The following RNLS variants were observed in gnomAD, a reference collection of about 807,000 sequenced individuals.
RNLS encodes the protein renalase, FAD dependent amine oxidase.
In RNLS, 39 loss-of-function variants were observed where a neutral mutation model predicts 39.8. The ratio of observed to expected loss-of-function variants is 0.98; its 90% CI spans 0.76 to 1.28. RNLS has a LOEUF of 1.28. RNLS is among the 50% of genes most tolerant of loss of function. RNLS has a pLI of 0.00. For missense variants in RNLS, 410 were observed against 413.3 expected, an observed-to-expected ratio of 0.99 and a Z score of 0.07; for synonymous variants, 147 against 150.7, an observed-to-expected ratio of 0.98 and a Z score of 0.18.
chr10:88,307,409 A>G (rs915389212), intron 6 of RNLS, among the ~76,000 whole-genome samples: 3 of 152,230 alleles, frequency 2.0e-5, no homozygotes, highest in South Asian at 4.1e-4. Flanking sequence ...GCATGATCCT[A>G]TATCTAGAAA....
At chr10:88,212,700 T>C in the RNLS span, among the ~76,000 whole-genome samples, 1 of 152,336 alleles carries the variant, frequency 6.6e-6, no homozygotes, top group East Asian at 1.9e-4. Context: ...AATGTTTTTC[T>C]GCCATAAGCA....
the RNLS span, among the ~76,000 whole-genome samples, chr10:88,204,065 A>G: frequency 2.0e-5 from 3 of 152,102 alleles, no homozygotes; most frequent in Admixed American, 6.6e-5. Flanking sequence ...GCCAGTAAAT[A>G]GTGAGATAGT....
intron 4 of RNLS, among the ~76,000 whole-genome samples, chr10:88,411,049 A>C (rs1036833313): frequency 1.3e-5 from 2 of 152,138 alleles, no homozygotes; most frequent in Non-Finnish European, 2.9e-5. Context: ...CTAAATTCTC[A>C]TGATTCCACA....
chr10:88,476,586 C>T (rs1353098322), intron 4 of RNLS, among the ~76,000 whole-genome samples: 2 of 152,106 alleles, frequency 1.3e-5, no homozygotes, highest in Non-Finnish European at 2.9e-5. Flanking sequence ...TTATCTTATT[C>T]ATCAAAGGCA....
chr10:88,544,091 A>G (rs1848176429), intron 4 of RNLS, among the ~76,000 whole-genome samples: 1 of 152,196 alleles, frequency 6.6e-6, no homozygotes, highest in African/African-American at 2.4e-5. Context: ...ACTTAAGTTC[A>G]TCAGGTAAAT....
chr10:88,554,294 C>G (rs1022652377), intron 4 of RNLS, among the ~76,000 whole-genome samples: 1 of 151,982 alleles, frequency 6.6e-6, no homozygotes, highest in African/African-American at 2.4e-5. Context: ...TGGAAAAAAT[C>G]TTACATGTAT....
rs1274332954 is a variant in RNLS, at chr10:88,545,439, A to G, written c.526+27464T>C. On this transcript the variant is annotated intron_variant, in intron 4 of 6. Coordinates refer to ENST00000331772, the MANE Select transcript of RNLS (RefSeq NM_001031709.3). The stretch of plus-strand genomic sequence containing the variant: ...CAATCACGGTGGAAGACAAAGAAAG[A>G]GCAAAGGCATGACTTACGTGGTGGC... 4 of 456,412 alleles carry G rather than the reference A, an allele frequency of 8.8e-6. No individual in the cohort carries two copies. In the East Asian group the frequency reaches 2.8e-4, roughly 32 times the overall value. 28.3% of individuals were successfully genotyped at this position (456,412 alleles called of 1,614,324 possible).
chr10:88,290,218 A>G (rs1843573537), intron 6 of RNLS, among the ~76,000 whole-genome samples: 1 of 152,180 alleles, frequency 6.6e-6, no homozygotes, highest in Non-Finnish European at 1.5e-5. Context: ...CTGGACTAGG[A>G]GACATTTCCC....
chr10:88,415,378 G>C (rs12412766), intron 4 of RNLS, among the ~76,000 whole-genome samples: 12 of 152,248 alleles, frequency 7.9e-5, no homozygotes, highest in African/African-American at 2.6e-4. Context: ...TCAAAAGACA[G>C]ATTATTAATT....
At chr10:88,186,577 G>A in the RNLS span, among the ~76,000 whole-genome samples, 1 of 152,164 alleles carries the variant, frequency 6.6e-6, no homozygotes, top group Non-Finnish European at 1.5e-5. Context: ...CCCATTCAGT[G>A]CCATACACAT....
rs529359107 is a variant in RNLS at position 88,382,005 on chromosome 10, T to G, written c.527-19280A>C. On this transcript the variant is annotated intron_variant, in intron 4 of 6. Transcript: ENST00000331772. ...GCTCTTTCTTTCATATATATATCTA[T>G]TATCTATGATCACTTTCCCACTACG... Among the ~76,000 whole-genome samples, 4 of 152,274 alleles carry G rather than the reference T, an allele frequency of 2.6e-5. No individual in the cohort carries two copies. The East Asian group carries it at 7.7e-4, about 29-fold the overall frequency.
At chr10:88,286,793 G>GTTT (rs34199618) in intron 6 of RNLS, among the ~76,000 whole-genome samples, 6 of 148,638 alleles carry the variant, frequency 4.0e-5, no homozygotes, top group Non-Finnish European at 3.0e-5. Flanking sequence ...TTCCCTTACA[G>GTTT]TTTTTTTTTT....
At chr10:88,487,633 A>G (rs1844612889) in intron 4 of RNLS, among the ~76,000 whole-genome samples, 1 of 152,158 alleles carries the variant, frequency 6.6e-6, no homozygotes, top group African/African-American at 2.4e-5. Flanking sequence ...TGCCAGTAGG[A>G]AAATGTAAAC....
chr10:88,574,112 G>A (rs771863898), intron 3 of RNLS, among the ~76,000 whole-genome samples: 6 of 152,134 alleles, frequency 3.9e-5, no homozygotes, highest in Non-Finnish European at 8.8e-5. Context: ...CTACCCTCCA[G>A]CCTAGGCAAC....
intron 4 of RNLS, among the ~76,000 whole-genome samples, chr10:88,491,428 A>G (rs192189294): frequency 1.3e-5 from 2 of 152,278 alleles, no homozygotes; most frequent in Non-Finnish European, 2.9e-5. Context: ...GAGCTTCTAA[A>G]TGCCTTGCTT....
chr10:88,573,763 C>A lies in RNLS; in HGVS notation c.368-702G>T, dbSNP rs118025588. On this transcript the variant is annotated intron_variant, in intron 3 of 6. Transcript: ENST00000331772. ...CCTTTTAATCTGTAAGGCCCATGAG[C>A]TACAAATTATACCTGTTTTATTTCT... 8.1e-3 allele frequency among the ~76,000 whole-genome samples: 1,232 copies of A among 152,190 alleles called. 12 individuals are homozygous for A. Among genetic ancestry groups the A allele is most frequent in the Non-Finnish European group, 0.013 (858 of 68,004 alleles).
At chr10:88,351,560 G>C (rs1272704189) in intron 5 of RNLS, among the ~76,000 whole-genome samples, 1 of 152,174 alleles carries the variant, frequency 6.6e-6, no homozygotes, top group Non-Finnish European at 1.5e-5. Context: ...TATTATTTCT[G>C]AGGGCTCTGT....
intron 4 of RNLS, among the ~76,000 whole-genome samples, chr10:88,396,480 A>G (rs539118703): frequency 6.6e-5 from 10 of 151,384 alleles, no homozygotes; most frequent in Non-Finnish European, 3.0e-5. Flanking sequence ...AAAATATATT[A>G]GTATTAATAA....
intron 4 of RNLS, among the ~76,000 whole-genome samples, chr10:88,510,610 C>T (rs909140022): frequency 1.7e-4 from 26 of 151,840 alleles, no homozygotes; most frequent in African/African-American, 5.5e-4. Context: ...TTTGGGAGGC[C>T]GAGGCGGGCG....
Sources: allele counts gnomAD v4.1 joint callset (sites outside exome capture counted in the v4.1 genomes callset), GRCh38; gene constraint gnomAD v4.1.1; transcripts MANE v1.5; gene names NCBI Gene and HGNC (gene_info 2026-07-23, HGNC 2026-07-21).